The following CCN4 variants were observed in gnomAD, a reference collection of about 807,000 sequenced individuals.
CCN4 encodes CCN family member 4.
CCN4 carries 30 observed loss-of-function variants against 36.7 expected under a neutral mutation model. That is an observed-to-expected ratio of 0.82 (90% CI 0.61 to 1.11). CCN4 has a LOEUF of 1.11. CCN4 is among the 50% of genes least tolerant of loss of function. The pLI, the probability that CCN4 is intolerant of heterozygous loss-of-function variation, is 0.00. For missense variants in CCN4, 505 were observed against 504.9 expected (o/e 1.00, Z 0.00); for synonymous variants, 191 against 195.4 (o/e 0.98, Z 0.19).
chr8:133,227,266 C>T, intron 4 of CCN4, 145 bp from the exon 5 acceptor site: 1 of 738,668 alleles, frequency 1.4e-6, no homozygotes, highest in South Asian at 1.9e-5. Context: ...TGCTGTTGTC[C>T]CTCCTTGCTT....
At chr8:133,192,425 T>C (rs1298534288) in intron 1 of CCN4, among the ~76,000 whole-genome samples, 2 of 152,164 alleles carry the variant, frequency 1.3e-5, no homozygotes, top group Non-Finnish European at 2.9e-5. Context: ...CTATAGTTGG[T>C]TCAGAACCAC....
intron 1 of CCN4, among the ~76,000 whole-genome samples, chr8:133,207,357 A>G (rs2130560018): frequency 6.6e-6 from 1 of 152,280 alleles, no homozygotes; most frequent in African/African-American, 2.4e-5. Context: ...AGGGACAGGT[A>G]CCCCCACATG....
chr8:133,210,386 G>GGTGTGTGTGTGT (rs71299053), intron 1 of CCN4, among the ~76,000 whole-genome samples: 15 of 145,686 alleles, frequency 1.0e-4, no homozygotes, highest in African/African-American at 3.8e-4. Flanking sequence ...CAAAAAGAGG[G>GGTGTGTGTGTGT]GTGTGTGTGT....
rs773458131 is a variant in CCN4 at position 133,220,840 on chromosome 8, C to T, written c.609C>T (p.Phe203=). The change falls in exon 3 of 5, where the codon TTC becomes TTT. Residue 203 remains phenylalanine, a splice_region_variant and synonymous_variant. Transcript: ENST00000250160. ...CCGCACCCCGTGACACAGGAGCCTT[C>T]GGTGGGTGTGGGCCCGAGTGGGCTG... ...RKTAPRDTGA[F]DAVGEVEAWH... The T allele has an allele frequency of 1.1e-5, 18 of 1,596,480 alleles. No individual in the cohort carries two copies. The highest frequency in any genetic ancestry group is 4.5e-5 in the East Asian group (2 of 44,426).
chr8:133,191,551 C>T (rs560224996), intron 1 of CCN4, among the ~76,000 whole-genome samples: 2 of 152,294 alleles, frequency 1.3e-5, no homozygotes, highest in South Asian at 4.1e-4. Flanking sequence ...CCTAACCTGG[C>T]TGTGTGGCCT....
chr8:133,198,860 C>T (rs540879609), intron 1 of CCN4, among the ~76,000 whole-genome samples: 4 of 152,236 alleles, frequency 2.6e-5, no homozygotes, highest in African/African-American at 4.8e-5. Flanking sequence ...GGCCCCAGGG[C>T]CTTTGCACAT....
In CCN4 at chr8:133,217,936, C is replaced by CCACACACAAACACACACA. The variant is rs151038003; in HGVS notation, c.350-2637_350-2636insAACACACACACACACACA. On this transcript the variant is annotated intron_variant, in intron 2 of 4. Transcript: ENST00000250160. ...TTCCGGGCTTAGCCCACTCCCTTCTCCACACACACACACACACACACACAC... is the reference window on the plus strand; with the variant it reads ...TTCCGGGCTTAGCCCACTCCCTTCTCCACACACAAACACACACACACACACACACACACACACACACAC... Among the ~76,000 whole-genome samples, 26 of 144,432 alleles carry CCACACACAAACACACACA rather than the reference C, an allele frequency of 1.8e-4. 1 individual carries two copies. Among genetic ancestry groups the CCACACACAAACACACACA allele is most frequent in the Non-Finnish European group, 3.1e-4 (21 of 66,970 alleles). 94.8% of individuals were successfully genotyped at this position (144,432 alleles called of 152,430 possible).
intron 1 of CCN4, among the ~76,000 whole-genome samples, chr8:133,207,680 G>C (rs985812786): frequency 6.6e-6 from 1 of 152,032 alleles, no homozygotes; most frequent in African/African-American, 2.4e-5. Context: ...GATTATATGA[G>C]ATAGTGCAAA....
intron 1 of CCN4, among the ~76,000 whole-genome samples, chr8:133,206,738 G>A (rs1437976734): frequency 1.3e-5 from 2 of 152,204 alleles, no homozygotes; most frequent in East Asian, 3.9e-4. Context: ...GAGGGAGGCT[G>A]CCAGTGGATG....
At chr8:133,223,934 C>T (rs1415601810) in intron 3 of CCN4, among the ~76,000 whole-genome samples, 1 of 152,172 alleles carries the variant, frequency 6.6e-6, no homozygotes. Context: ...ATACATGCAT[C>T]AATAGGAACA....
intron 1 of CCN4, among the ~76,000 whole-genome samples, chr8:133,194,742 T>C (rs1364785643): frequency 9.5e-6 from 1 of 105,132 alleles, no homozygotes; most frequent in Non-Finnish European, 1.8e-5. Flanking sequence ...GTGTGTGTGG[T>C]GTGTTTGTGG....
At position 133,220,838 on chromosome 8, in the gene CCN4, T is replaced by C; in HGVS notation, c.607T>C (p.Phe203Leu). ...RKTAPRDTGA[F>L]DAVGEVEAWH... ...GACCGCACCCCGTGACACAGGAGCCTTCGGTGGGTGTGGGCCCGAGTGGGC... is the reference window on the plus strand; with the variant it reads ...GACCGCACCCCGTGACACAGGAGCCCTCGGTGGGTGTGGGCCCGAGTGGGC... The change falls in exon 3 of 5, where the codon TTC becomes CTC. Residue 203 changes from phenylalanine to leucine, a missense_variant. Coordinates refer to ENST00000250160, the MANE Select transcript of CCN4 (RefSeq NM_003882.4). 6.3e-7 allele frequency: 1 copy of C among 1,597,096 alleles called. No individual in the cohort carries two copies. The highest frequency in any genetic ancestry group is 8.6e-7 in the Non-Finnish European group (1 of 1,168,360).
Position 133,212,879 on chromosome 8 carries a change from C to G in CCN4, c.85C>G (p.Pro29Ala), listed in dbSNP as rs777554052. The G allele has an allele frequency of 6.2e-7, 1 of 1,601,324 alleles. No individual in the cohort carries two copies. Reference protein sequence around the residue: ...TVLATALSPAPTTMDFTPAPL... With the variant: ...TVLATALSPAATTMDFTPAPL... ...CCCCCCGCAGGCCCTCTCTCCAGCCCCTACGACCATGGACTTTACCCCAGC... is the reference window on the plus strand; with the variant it reads ...CCCCCCGCAGGCCCTCTCTCCAGCCGCTACGACCATGGACTTTACCCCAGC... Residue 29 changes from proline to alanine, a missense_variant, in exon 2 of 5, where the codon CCT becomes GCT. By Grantham distance (27) the Pro-to-Ala change is conservative. Coordinates refer to ENST00000250160, the MANE Select transcript of CCN4 (RefSeq NM_003882.4).
intron 1 of CCN4, among the ~76,000 whole-genome samples, chr8:133,204,794 G>T (rs988219986): frequency 2.6e-5 from 4 of 152,230 alleles, no homozygotes; most frequent in Non-Finnish European, 4.4e-5. Flanking sequence ...GACCTCGAGT[G>T]ATCCACCTGC....
chr8:133,206,583 G>A (rs117263638), intron 1 of CCN4, among the ~76,000 whole-genome samples: 1,822 of 152,282 alleles, frequency 0.012, 28 homozygotes, highest in Middle Eastern at 0.044. Context: ...GGATGTTGAA[G>A]GAGGCTGATG....
At chr8:133,207,383 C>G (rs1853818145) in intron 1 of CCN4, among the ~76,000 whole-genome samples, 1 of 152,214 alleles carries the variant, frequency 6.6e-6, no homozygotes, top group African/African-American at 2.4e-5. Context: ...CCAGCTATGT[C>G]CCAGGATCCC....
chr8:133,196,894 G>T (rs1853407152), intron 1 of CCN4, among the ~76,000 whole-genome samples: 1 of 152,144 alleles, frequency 6.6e-6, no homozygotes, highest in Admixed American at 6.5e-5. Flanking sequence ...AAGACCTCAG[G>T]CTCAGCACCA....
chr8:133,227,242 G>T (rs988723635), intron 4 of CCN4, among the ~76,000 whole-genome samples, 169 bp from the exon 5 acceptor site: 5 of 152,194 alleles, frequency 3.3e-5, no homozygotes, highest in African/African-American at 1.2e-4. Context: ...CGGTATGCTG[G>T]ATCTCACTGT....
chr8:133,222,012 G>T (rs532239485), intron 3 of CCN4, among the ~76,000 whole-genome samples: 68 of 151,616 alleles, frequency 4.5e-4, no homozygotes, highest in Non-Finnish European at 9.3e-4. Context: ...ATGAATGGAT[G>T]AACTGAATGG....
Sources: gnomAD v4.1 joint callset for allele counts (sites outside exome capture counted in the v4.1 genomes callset) on GRCh38, gnomAD v4.1.1 for gene constraint, MANE v1.5 for transcripts, NCBI Gene and HGNC (gene_info 2026-07-23, HGNC 2026-07-21) for gene names.